The following CNTN5 variants were observed in gnomAD, a reference collection of about 807,000 sequenced individuals.
The protein encoded by CNTN5 is contactin-5.
CNTN5 carries 77 observed loss-of-function variants against 129.1 expected under a neutral mutation model. That is an observed-to-expected ratio of 0.60 (90% CI 0.50 to 0.72). The LOEUF is 0.72. Among genes scored for constraint, CNTN5 ranks in the 30% least tolerant of loss-of-function variants. The pLI, the probability that CNTN5 is intolerant of heterozygous loss-of-function variation, is 0.00. For synonymous variants in CNTN5, 509 were observed against 465.6 expected, an observed-to-expected ratio of 1.09 and a Z score of -1.20; for missense variants, 1,478 against 1,328.8, an observed-to-expected ratio of 1.11 and a Z score of -1.75.
intron 2 of CNTN5, among the ~76,000 whole-genome samples, chr11:99,335,543 T>A (rs934751878): frequency 4.0e-5 from 6 of 151,280 alleles, no homozygotes; most frequent in Admixed American, 6.6e-5. Flanking sequence ...AGACCGAGAA[T>A]GGAGAAAAGT....
chr11:99,662,309 C>T (rs893604821), intron 3 of CNTN5, among the ~76,000 whole-genome samples: 1 of 152,076 alleles, frequency 6.6e-6, no homozygotes, highest in African/African-American at 2.4e-5. Flanking sequence ...TGGTATATCC[C>T]ATATGCTACA....
chr11:99,171,747 C>T (rs1304484665), intron 1 of CNTN5, among the ~76,000 whole-genome samples: 2 of 152,192 alleles, frequency 1.3e-5, no homozygotes, highest in East Asian at 3.8e-4. Context: ...CCATTTTGCT[C>T]AGTGTTTCCA....
At chr11:100,065,724 C>G (rs1160417143) in intron 10 of CNTN5, among the ~76,000 whole-genome samples, 1 of 152,158 alleles carries the variant, frequency 6.6e-6, no homozygotes, top group South Asian at 2.1e-4. Flanking sequence ...AGAACCTGAA[C>G]TAAGGCATGA....
intron 2 of CNTN5, among the ~76,000 whole-genome samples, chr11:99,528,354 G>A (rs1384754626): frequency 6.6e-6 from 1 of 152,030 alleles, no homozygotes; most frequent in East Asian, 1.9e-4. Context: ...TAATAGTTAC[G>A]AGCACGTGAA....
At chr11:100,233,547 A>G (rs1949538755) in intron 16 of CNTN5, among the ~76,000 whole-genome samples, 2 of 152,242 alleles carry the variant, frequency 1.3e-5, no homozygotes, top group South Asian at 4.1e-4. Flanking sequence ...CCACATGACC[A>G]TGAGACAATA....
chr11:100,064,487 T>C (rs1943615776), intron 10 of CNTN5, among the ~76,000 whole-genome samples: 1 of 152,090 alleles, frequency 6.6e-6, no homozygotes, highest in Non-Finnish European at 1.5e-5. Flanking sequence ...ATGTCTAATA[T>C]AACATAAATA....
At chr11:99,471,563 TGA>T (rs1945174691) in intron 2 of CNTN5, among the ~76,000 whole-genome samples, 1 of 152,118 alleles carries the variant, frequency 6.6e-6, no homozygotes, top group Non-Finnish European at 1.5e-5. Flanking sequence ...TGTGCCATCT[TGA>T]GAAAGTTGTG....
intron 2 of CNTN5, among the ~76,000 whole-genome samples, chr11:99,476,179 T>C (rs1591126337): frequency 6.6e-6 from 1 of 152,092 alleles, no homozygotes; most frequent in Non-Finnish European, 1.5e-5. Context: ...TTGATTTATT[T>C]TTAAATATTG....
At chr11:99,973,539 C>A (rs567974117) in intron 8 of CNTN5, among the ~76,000 whole-genome samples, 9 of 152,098 alleles carry the variant, frequency 5.9e-5, no homozygotes, top group African/African-American at 1.7e-4. Context: ...CCTGATTTTT[C>A]TCTGAATATC....
intron 1 of CNTN5, among the ~76,000 whole-genome samples, chr11:99,193,473 A>G (rs1296145226): frequency 6.6e-6 from 1 of 152,160 alleles, no homozygotes; most frequent in Non-Finnish European, 1.5e-5. Context: ...TGTCTTGTTG[A>G]TAAATCCAAG....
At chr11:99,516,736 A>AT (rs1947066831) in intron 2 of CNTN5, among the ~76,000 whole-genome samples, 1 of 152,238 alleles carries the variant, frequency 6.6e-6, no homozygotes, top group East Asian at 1.9e-4. Context: ...CTAATCCTGA[A>AT]TTTTTTTAAG....
intron 1 of CNTN5, among the ~76,000 whole-genome samples, chr11:99,037,432 G>C (rs1374907471): frequency 1.3e-5 from 2 of 151,958 alleles, no homozygotes; most frequent in Non-Finnish European, 2.9e-5. Flanking sequence ...AGGCTCCTTT[G>C]CAGCTACAAC....
At chr11:100,263,302 C>G (rs895008133) in intron 17 of CNTN5, among the ~76,000 whole-genome samples, 1 of 152,044 alleles carries the variant, frequency 6.6e-6, no homozygotes, top group Non-Finnish European at 1.5e-5. Flanking sequence ...AATATTTGCA[C>G]GCAGTAACCT....
At chr11:99,182,908 G>C (rs1858151125) in intron 1 of CNTN5, among the ~76,000 whole-genome samples, 1 of 151,872 alleles carries the variant, frequency 6.6e-6, no homozygotes, top group Admixed American at 6.6e-5. Context: ...ATGCTAAAAG[G>C]ATAGTAGATA....
intron 13 of CNTN5, among the ~76,000 whole-genome samples, chr11:100,180,342 A>G (rs774500589): frequency 6.6e-6 from 1 of 152,006 alleles, no homozygotes; most frequent in Non-Finnish European, 1.5e-5. Context: ...TGACAAAAGC[A>G]AAAAAGTAAT....
intron 3 of CNTN5, among the ~76,000 whole-genome samples, chr11:99,687,673 A>G (rs751637038): frequency 7.2e-5 from 11 of 152,218 alleles, no homozygotes; most frequent in Non-Finnish European, 1.2e-4. Context: ...TAGGTGGCTC[A>G]GTGATAATTG....
At chr11:100,160,531 C>T (rs1160972945) in intron 13 of CNTN5, among the ~76,000 whole-genome samples, 1 of 151,782 alleles carries the variant, frequency 6.6e-6, no homozygotes, top group Non-Finnish European at 1.5e-5. Context: ...GTAGTTTCAT[C>T]AAGAGAGAAG....
chr11:100,063,647 A>G (rs1943571499), intron 10 of CNTN5, among the ~76,000 whole-genome samples: 1 of 146,304 alleles, frequency 6.8e-6, no homozygotes, highest in Admixed American at 6.9e-5. Flanking sequence ...AACTAGGTGT[A>G]GTGGCTCAGA....
chr11:99,669,723 A>G lies in CNTN5; in HGVS notation c.55+113454A>G, dbSNP rs1565409261. 3.9e-5 allele frequency among the ~76,000 whole-genome samples: 6 copies of G among 152,214 alleles called. No homozygotes were observed. The South Asian group carries it at 1.0e-3, about 26-fold the overall frequency. On this transcript the variant is annotated intron_variant, in intron 3 of 24. Coordinates refer to ENST00000524871, the MANE Select transcript of CNTN5 (RefSeq NM_014361.4). ...TCTACTGGAATATCTGGTCTCTCTT[A>G]TCTTACCCAGTTCTAGAATTCCGTG...
Sources: gnomAD v4.1 joint callset for allele counts (sites outside exome capture counted in the v4.1 genomes callset) on GRCh38, gnomAD v4.1.1 for gene constraint, MANE v1.5 for transcripts, NCBI Gene and HGNC (gene_info 2026-07-23, HGNC 2026-07-21) for gene names.